TRIM38: variants seen among roughly 807,000 people sequenced by gnomAD.
TRIM38 encodes the protein tripartite motif containing 38.
Under a neutral mutation model 35.8 loss-of-function variants are expected in TRIM38, and 35 were observed. The ratio of observed to expected loss-of-function variants is 0.98; its 90% CI spans 0.75 to 1.30. The LOEUF (loss-of-function observed/expected upper bound fraction) is 1.30. TRIM38 is among the 50% of genes most tolerant of loss of function. The probability of loss-of-function intolerance (pLI) is 0.00; values close to 1 mark genes in which losing one functional copy is unlikely to be tolerated. For missense variants in TRIM38, 545 were observed against 556.9 expected, an observed-to-expected ratio of 0.98 and a Z score of 0.21; for synonymous variants, 198 against 204.7, an observed-to-expected ratio of 0.97 and a Z score of 0.28.
At chr6:25,974,932 T>A (rs1760345688) in intron 7 of TRIM38, 1 of 985,298 alleles carries the variant, frequency 1.0e-6, no homozygotes, top group Non-Finnish European at 1.2e-6. Context: ...AGACTTTGTG[T>A]AAGTTTTGCT....
Position 25,991,107 on chromosome 6 carries a change from C to T in TRIM38, c.*7420C>T, listed in dbSNP as rs1440570565. 6.6e-6 allele frequency: 1 copy of T among 152,212 alleles called. No individual in the cohort carries two copies. Among genetic ancestry groups the T allele is most frequent in the Non-Finnish European group, 1.5e-5 (1 of 68,080 alleles). The allele number at this position is 152,212 out of a possible 1,614,324, so 9.4% of individuals were successfully genotyped here. A position where few individuals can be genotyped will look rare whatever the true frequency, so the allele number is the denominator to read the frequency against. On this transcript the variant is annotated 3_prime_UTR_variant, in exon 8 of 8. Coordinates refer to ENST00000357085, the MANE Select transcript of TRIM38 (RefSeq NM_006355.5). ...CTTTGTCTTGTGTCTCCTTGGGTCTCTTTTCTCCAAGACCTAAACTCCCTG... is the reference window on the plus strand; with the variant it reads ...CTTTGTCTTGTGTCTCCTTGGGTCTTTTTTCTCCAAGACCTAAACTCCCTG...
Position 25,983,599 on chromosome 6 carries a change from T to G in TRIM38, c.1310T>G (p.Phe437Cys). The G allele has an allele frequency of 6.2e-7, 1 of 1,614,098 alleles. No homozygotes were observed. The highest frequency in any genetic ancestry group is 8.5e-7 in the Non-Finnish European group (1 of 1,180,020). Residue 437 changes from phenylalanine to cysteine, a missense_variant, in exon 8 of 8, where the codon TTC (phenylalanine) becomes TGC (cysteine). By Grantham distance (205) the Phe-to-Cys change is radical. Coordinates refer to ENST00000357085, the MANE Select transcript of TRIM38 (RefSeq NM_006355.5). Reference sequence around the variant, plus strand: ...AATACTGGCTGCCACATCTTTACTTTCCCGAAGGCTTCCTTCTCTGATACT... The same window carrying G: ...AATACTGGCTGCCACATCTTTACTTGCCCGAAGGCTTCCTTCTCTGATACT... ...NGNTGCHIFT[F>C]PKASFSDTLR...
Position 25,984,591 on chromosome 6 carries a change from A to G in TRIM38, c.*904A>G, listed in dbSNP as rs1277700444. ...GTTATAATTTAGAGTTGACATAAAA[A>G]TTGATGGCCAGGCATGGTGGCTCAC... On this transcript the variant is annotated 3_prime_UTR_variant, in exon 8 of 8. Coordinates refer to ENST00000357085, the MANE Select transcript of TRIM38 (RefSeq NM_006355.5). 1.3e-5 allele frequency: 2 copies of G among 152,188 alleles called. No individual in the cohort carries two copies. Among genetic ancestry groups the G allele is most frequent in the Non-Finnish European group, 2.9e-5 (2 of 68,042 alleles). The allele number at this position is 152,188 out of a possible 1,614,324, so 9.4% of individuals were successfully genotyped here. A position where few individuals can be genotyped will look rare whatever the true frequency, so the allele number is the denominator to read the frequency against.
intron 7 of TRIM38, among the ~76,000 whole-genome samples, chr6:25,974,279 GC>G: frequency 6.6e-6 from 1 of 152,128 alleles, no homozygotes; most frequent in Non-Finnish European, 1.5e-5. Flanking sequence ...GTTATTTCTG[GC>G]TGTTGGCTGG....
rs1258056565 is a variant in TRIM38, at chr6:25,988,974, A to G, written c.*5287A>G. 1 of 152,222 alleles carries G rather than the reference A, an allele frequency of 6.6e-6. No homozygotes were observed. The highest frequency in any genetic ancestry group is 1.5e-5 in the Non-Finnish European group (1 of 68,028). The allele number at this position is 152,222 out of a possible 1,614,324, so 9.4% of individuals were successfully genotyped here. ...AAAAGTATGGTTACTTTTGTAAGAA[A>G]CCACCAAACTGTCTTCCAAAGTGAT... On this transcript the variant is annotated 3_prime_UTR_variant, in exon 8 of 8. Transcript: ENST00000357085.
chr6:25,966,614 G>A lies in TRIM38; in HGVS notation c.92G>A (p.Cys31Tyr). ...ATGACGAACCCAGTAAGCATCAACTGTGGACACAGCTACTGCCACTTGTGT... is the reference window on the plus strand; with the variant it reads ...ATGACGAACCCAGTAAGCATCAACTATGGACACAGCTACTGCCACTTGTGT... ...SLMTNPVSIN[C>Y]GHSYCHLCIT... The change falls in exon 3 of 8, where the codon TGT (cysteine) becomes TAT (tyrosine). Residue 31 changes from cysteine to tyrosine, a missense_variant. Coordinates refer to ENST00000357085, the MANE Select transcript of TRIM38 (RefSeq NM_006355.5). The A allele has an allele frequency of 6.2e-7, 1 of 1,614,182 alleles. No homozygotes were observed. Among genetic ancestry groups the A allele is most frequent in the African/African-American group, 1.3e-5 (1 of 75,042 alleles).
chr6:25,976,024 C>T (rs537647250), intron 7 of TRIM38, among the ~76,000 whole-genome samples: 5 of 152,298 alleles, frequency 3.3e-5, no homozygotes, highest in Admixed American at 2.6e-4. Context: ...GGAATAATGA[C>T]TCACATATAC....
At chr6:25,979,155 T>C (rs1268940200) in intron 7 of TRIM38, among the ~76,000 whole-genome samples, 5 of 151,956 alleles carry the variant, frequency 3.3e-5, no homozygotes, top group Non-Finnish European at 2.9e-5. Flanking sequence ...CATACACATA[T>C]AATATGTATA....
chr6:25,972,927 T>C, intron 5 of TRIM38, 127 bp from the exon 6 acceptor site: 1 of 1,205,804 alleles, frequency 8.3e-7, no homozygotes, highest in Admixed American at 2.2e-5. Flanking sequence ...TCCATCAATA[T>C]CTAAGACTAA....
intron 3 of TRIM38, among the ~76,000 whole-genome samples, chr6:25,967,667 G>A (rs916110901): frequency 1.3e-4 from 19 of 150,784 alleles, no homozygotes; most frequent in Non-Finnish European, 2.8e-4. Flanking sequence ...CTCCCAAGTA[G>A]CTAGGACTAC....
chr6:25,970,132 G>GGTCTT (rs1045035481), intron 4 of TRIM38, among the ~76,000 whole-genome samples: 7 of 151,850 alleles, frequency 4.6e-5, no homozygotes, highest in Non-Finnish European at 8.8e-5. Context: ...TGGCCAGGAT[G>GGTCTT]GTCTTGATCT....
chr6:25,980,753 T>C (rs1056540693), intron 7 of TRIM38, among the ~76,000 whole-genome samples: 1 of 152,244 alleles, frequency 6.6e-6, no homozygotes, highest in Non-Finnish European at 1.5e-5. Context: ...TCTGACTTAA[T>C]ATCTTTTGAT....
At chr6:25,969,203 A>G in intron 3 of TRIM38, 122 bp from the exon 4 acceptor site, 2 of 728,462 alleles carry the variant, frequency 2.7e-6, no homozygotes, top group Non-Finnish European at 4.5e-6. Context: ...CTAGCAAAAA[A>G]CAATGAGGAC....
intron 2 of TRIM38, among the ~76,000 whole-genome samples, chr6:25,965,858 T>G (rs1581596022): frequency 6.7e-6 from 1 of 148,692 alleles, no homozygotes; most frequent in South Asian, 2.1e-4. Context: ...GAGGCGGAGG[T>G]GCAGTGAGCC....
intron 7 of TRIM38, among the ~76,000 whole-genome samples, chr6:25,982,358 C>G (rs527472594): frequency 6.6e-6 from 1 of 152,212 alleles, no homozygotes; most frequent in African/African-American, 2.4e-5. Flanking sequence ...TGTCCTCATG[C>G]CCTCACCTGT....
At chr6:25,974,861 A>C in intron 7 of TRIM38, 1 of 984,704 alleles carries the variant, frequency 1.0e-6, no homozygotes, top group Non-Finnish European at 1.2e-6. Flanking sequence ...AACAACAAAC[A>C]ACAACAAAAC....
Position 25,991,030 on chromosome 6 carries a change from C to G in TRIM38, c.*7343C>G, listed in dbSNP as rs994871450. 1.1e-4 allele frequency: 17 copies of G among 152,266 alleles called. No individual in the cohort carries two copies. Among genetic ancestry groups the G allele is most frequent in the African/African-American group, 3.9e-4 (16 of 41,462 alleles). The allele number at this position is 152,266 out of a possible 1,614,324, so 9.4% of individuals were successfully genotyped here. On this transcript the variant is annotated 3_prime_UTR_variant, in exon 8 of 8. Coordinates refer to ENST00000357085, the MANE Select transcript of TRIM38 (RefSeq NM_006355.5). ...TCCGGGCATCGGGTGTCCCCATCCT[C>G]ACTTCAGTCCACAGGCAGGGTCCTC...
At position 25,966,814 on chromosome 6, in the gene TRIM38, G is replaced by C. The variant is rs745349943; in HGVS notation, c.292G>C (p.Glu98Gln). The change falls in exon 3 of 8, where the codon GAG becomes CAG. Residue 98 changes from glutamate to glutamine, a missense_variant. By Grantham distance (29) the Glu-to-Gln change is conservative. Coordinates refer to ENST00000357085, the MANE Select transcript of TRIM38 (RefSeq NM_006355.5). ...DQEMSCEEHGEQFHLFCEDEG... is the reference protein window; with the variant it reads ...DQEMSCEEHGQQFHLFCEDEG... The stretch of plus-strand genomic sequence containing the variant: ...AGAAATGTCATGTGAGGAACACGGA[G>C]AGCAGTTCCACCTGTTCTGCGAAGA... The C allele has an allele frequency of 1.2e-6, 2 of 1,614,200 alleles. No homozygotes were observed. The highest frequency in any genetic ancestry group is 1.7e-6 in the Non-Finnish European group (2 of 1,180,036).
At chr6:25,971,017 G>A (rs1018366527) in intron 4 of TRIM38, among the ~76,000 whole-genome samples, 2 of 152,088 alleles carry the variant, frequency 1.3e-5, no homozygotes, top group Non-Finnish European at 2.9e-5. Context: ...CACACTCAAA[G>A]CTCCCCCTGC....
Sources: allele counts gnomAD v4.1 joint callset (sites outside exome capture counted in the v4.1 genomes callset), GRCh38; gene constraint gnomAD v4.1.1; transcripts MANE v1.5; gene names NCBI Gene and HGNC (gene_info 2026-07-23, HGNC 2026-07-21).